ADCY8: variants seen among roughly 807,000 people sequenced by gnomAD.
ADCY8 encodes adenylate cyclase type 8.
In ADCY8, 51 loss-of-function variants were observed where a neutral mutation model predicts 119.7. The ratio of observed to expected loss-of-function variants is 0.43; its 90% confidence interval spans 0.34 to 0.54. The LOEUF is 0.54. Among genes scored for constraint, ADCY8 ranks in the 20% least tolerant of loss-of-function variants. The pLI is 0.03. For synonymous variants in ADCY8, 665 were observed against 651.0 expected, an observed-to-expected ratio of 1.02 and a Z score of -0.33; for missense variants, 1,383 against 1,598.8, an observed-to-expected ratio of 0.87 and a Z score of 2.30.
In ADCY8 at chr8:130,875,255, T is replaced by G. The variant is rs759369992; in HGVS notation, c.2110-7309A>C. On this transcript the variant is annotated intron_variant, in intron 8 of 17. Transcript: ENST00000286355. Reference sequence around the variant, plus strand: ...GATGGATTTCTTCCCGAAGCCTCTTTGAAACCTGTCCTTCACATCTGAAGG... The same window carrying G: ...GATGGATTTCTTCCCGAAGCCTCTTGGAAACCTGTCCTTCACATCTGAAGG... 3.1e-4 allele frequency among the ~76,000 whole-genome samples: 47 copies of G among 152,338 alleles called. 1 individual carries two copies. Among genetic ancestry groups the G allele is most frequent in the Non-Finnish European group, 5.6e-4 (38 of 68,036 alleles).
At chr8:130,970,378 C>A (rs559293946) in intron 2 of ADCY8, among the ~76,000 whole-genome samples, 1 of 152,144 alleles carries the variant, frequency 6.6e-6, no homozygotes, top group African/African-American at 2.4e-5. Context: ...GTGTAGGTTG[C>A]GTGCTTCTTA....
rs73342467 is a variant in ADCY8 at position 130,832,080 on chromosome 8, C to T, written c.2675+4197G>A. On this transcript the variant is annotated intron_variant, in intron 12 of 17. Transcript: ENST00000286355. ...AAGATCACATATCTGGTTGATGGAA[C>T]AGCTGGGATTTCAATTCAGTTGGTT... 8.3e-4 allele frequency among the ~76,000 whole-genome samples: 126 copies of T among 152,252 alleles called. 1 individual carries two copies. Among genetic ancestry groups the T allele is most frequent in the African/African-American group, 3.0e-3 (123 of 41,536 alleles).
chr8:130,918,762 A>G (rs1207991434), intron 5 of ADCY8, among the ~76,000 whole-genome samples: 4 of 152,204 alleles, frequency 2.6e-5, no homozygotes, highest in Non-Finnish European at 5.9e-5. Context: ...ATCCAGTGCT[A>G]TAGAAATTGT....
At chr8:130,807,743 G>C (rs561820250) in intron 14 of ADCY8, among the ~76,000 whole-genome samples, 17 of 151,954 alleles carry the variant, frequency 1.1e-4, no homozygotes, top group Non-Finnish European at 2.2e-4. Flanking sequence ...CCAGCACTTT[G>C]GGAGGCCGAG....
chr8:130,815,500 A>T (rs983269055), intron 13 of ADCY8, among the ~76,000 whole-genome samples: 1 of 152,248 alleles, frequency 6.6e-6, no homozygotes, highest in Non-Finnish European at 1.5e-5. Context: ...TAATAGCCCT[A>T]ATAGGAAGGT....
chr8:131,028,918 C>T (rs1359933819), intron 1 of ADCY8, among the ~76,000 whole-genome samples: 2 of 152,198 alleles, frequency 1.3e-5, no homozygotes, highest in Admixed American at 1.3e-4. Context: ...TGAGCACCCA[C>T]CAGAAGGGGG....
At chr8:130,967,341 A>G (rs1031443784) in intron 2 of ADCY8, among the ~76,000 whole-genome samples, 3 of 152,162 alleles carry the variant, frequency 2.0e-5, no homozygotes, top group African/African-American at 7.2e-5. Flanking sequence ...AAATATTAAG[A>G]CTGCAGTGTT....
chr8:130,822,327 T>C (rs755075211), intron 12 of ADCY8, among the ~76,000 whole-genome samples: 1 of 152,134 alleles, frequency 6.6e-6, no homozygotes, highest in Non-Finnish European at 1.5e-5. Flanking sequence ...AGGTGGTTTA[T>C]AGGTCTCCAG....
At chr8:130,821,475 G>A in intron 12 of ADCY8, 55 bp from the exon 13 acceptor site, 1 of 1,360,242 alleles carries the variant, frequency 7.4e-7, no homozygotes, top group Non-Finnish European at 1.0e-6. Context: ...GGAGACCTAT[G>A]AGAAAACTGA....
intron 1 of ADCY8, among the ~76,000 whole-genome samples, chr8:131,030,111 ACTTTGAG>A (rs1823951548): frequency 6.6e-6 from 1 of 152,140 alleles, no homozygotes; most frequent in Admixed American, 6.5e-5. Context: ...AAGGAAAGTG[ACTTTGAG>A]CCTTGCCTAC....
chr8:130,988,953 T>C (rs1008993885), intron 2 of ADCY8, among the ~76,000 whole-genome samples: 6 of 152,204 alleles, frequency 3.9e-5, no homozygotes, highest in Non-Finnish European at 8.8e-5. Flanking sequence ...AATAAATTAT[T>C]AATATGGCAG....
Position 130,912,219 on chromosome 8 carries a change from T to C in ADCY8, c.1482-2353A>G, listed in dbSNP as rs554531031. 1.2e-3 allele frequency among the ~76,000 whole-genome samples: 189 copies of C among 152,320 alleles called. 2 individuals are homozygous for C. In the South Asian group the frequency reaches 0.016, roughly 13 times the overall value. ...GAACAGTAATTAGGGTGCTGTGTTA[T>C]AATAATCTGTCTCCTGTAAACTAAT... On this transcript the variant is annotated intron_variant, in intron 5 of 17. Transcript: ENST00000286355.
intron 9 of ADCY8, among the ~76,000 whole-genome samples, chr8:130,863,107 C>G (rs893203777): frequency 2.6e-5 from 4 of 152,072 alleles, no homozygotes; most frequent in African/African-American, 7.2e-5. Context: ...ATTTATTTTT[C>G]TTTTCAATTC....
intron 3 of ADCY8, among the ~76,000 whole-genome samples, chr8:130,947,695 A>T (rs377430763): frequency 6.6e-6 from 1 of 152,224 alleles, no homozygotes; most frequent in African/African-American, 2.4e-5. Context: ...ACAATTGGTC[A>T]CTAAAATATC....
chr8:130,944,629 A>G (rs188560718), intron 3 of ADCY8, among the ~76,000 whole-genome samples: 2 of 152,360 alleles, frequency 1.3e-5, no homozygotes, highest in African/African-American at 4.8e-5. Flanking sequence ...AATTTGACAT[A>G]GACTATGGAT....
chr8:130,886,362 G>A (rs1412065670), intron 7 of ADCY8, among the ~76,000 whole-genome samples: 4 of 152,052 alleles, frequency 2.6e-5, no homozygotes, highest in African/African-American at 9.7e-5. Flanking sequence ...GGCATGTTAG[G>A]AGAAGGGCTG....
At chr8:130,984,698 G>A (rs1231124209) in intron 2 of ADCY8, among the ~76,000 whole-genome samples, 2 of 152,144 alleles carry the variant, frequency 1.3e-5, no homozygotes, top group African/African-American at 4.8e-5. Context: ...GTGCATATAT[G>A]GTGAAAATAG....
intron 1 of ADCY8, among the ~76,000 whole-genome samples, chr8:131,011,233 A>G (rs927257248): frequency 6.6e-6 from 1 of 152,216 alleles, no homozygotes; most frequent in South Asian, 2.1e-4. Flanking sequence ...AGAATCAGGT[A>G]TACTTTCTGA....
At chr8:130,862,561 G>C (rs1403502968) in intron 9 of ADCY8, among the ~76,000 whole-genome samples, 1 of 151,936 alleles carries the variant, frequency 6.6e-6, no homozygotes, top group East Asian at 1.9e-4. Flanking sequence ...TACAGACGCC[G>C]GCCACCACGC....
Sources: allele counts gnomAD v4.1 joint callset (sites outside exome capture counted in the v4.1 genomes callset), GRCh38; gene constraint gnomAD v4.1.1; transcripts MANE v1.5; gene names NCBI Gene and HGNC (gene_info 2026-07-23, HGNC 2026-07-21).